Variants in FBXW8 observed in about 807,000 individuals in gnomAD.
FBXW8 encodes the protein F-box/WD repeat-containing protein 8.
In FBXW8, 57 loss-of-function variants were observed where a neutral mutation model predicts 65.3. The observed-to-expected ratio is 0.87, with a 90% CI of 0.71 to 1.09. FBXW8 has a LOEUF of 1.09. FBXW8 is among the 50% of genes least tolerant of loss of function. The pLI, the probability that FBXW8 is intolerant of heterozygous loss-of-function variation, is 0.00. For synonymous variants in FBXW8, 308 were observed against 330.2 expected (o/e 0.93, Z 0.73); for missense variants, 777 against 814.8 (o/e 0.95, Z 0.57).
chr12:116,942,333 A>G (rs541854999), intron 2 of FBXW8, among the ~76,000 whole-genome samples: 11 of 147,076 alleles, frequency 7.5e-5, no homozygotes, highest in South Asian at 4.3e-4. Flanking sequence ...TTTTTCCCCC[A>G]TAGAGTAGAT....
intron 7 of FBXW8, among the ~76,000 whole-genome samples, chr12:116,991,308 T>G (rs1953234042): frequency 6.6e-6 from 1 of 152,220 alleles, no homozygotes; most frequent in Admixed American, 6.5e-5. Context: ...GACAAGACTT[T>G]CCATCTGATT....
At position 116,936,672 on chromosome 12, in the gene FBXW8, T is replaced by C. The variant is rs1403609958; in HGVS notation, c.423+8545T>C. ...GAATGCAGCCCTGCCCACACCTTGC[T>C]TTTACACTTCTGGTCTCCGGAACTA... is the stretch of plus-strand genomic sequence containing the variant. On this transcript the variant is annotated intron_variant, in intron 2 of 10. Coordinates refer to ENST00000652555, the MANE Select transcript of FBXW8 (RefSeq NM_153348.3). This position sits in a 1 kb window ranked among gnomAD's most constrained non-coding sequence, Gnocchi z 4.6. Among the ~76,000 whole-genome samples, 5 of 152,186 alleles carry C rather than the reference T, an allele frequency of 3.3e-5. No individual in the cohort carries two copies. Among genetic ancestry groups the C allele is most frequent in the African/African-American group, 1.2e-4 (5 of 41,450 alleles).
chr12:117,013,756 A>ATTTT (rs1323524800), intron 8 of FBXW8, among the ~76,000 whole-genome samples: 1 of 151,820 alleles, frequency 6.6e-6, no homozygotes, highest in African/African-American at 2.4e-5. Context: ...TTATTTATTT[A>ATTTT]TTTTTTATTA....
At position 116,964,700 on chromosome 12, in the gene FBXW8, T is replaced by A; in HGVS notation, c.681T>A (p.Tyr227Ter). The A allele has an allele frequency of 6.2e-7, 1 of 1,613,696 alleles. No individual in the cohort carries two copies. The highest frequency in any genetic ancestry group is 8.5e-7 in the Non-Finnish European group (1 of 1,179,972). ...CAAGTGTGTCGTTCTCTTCCAGATATACATCAGGGGATGTGAGAGTGTGGG... is the reference window on the plus strand; with the variant it reads ...CAAGTGTGTCGTTCTCTTCCAGATAAACATCAGGGGATGTGAGAGTGTGGG... The part of the protein sequence containing the change: ...HSHDGVVIAG[Y>*]TSGDVRVWDT... Residue 227 changes from tyrosine to a stop codon, truncating the protein, a stop_gained, in exon 5 of 11, where the codon TAT (tyrosine) becomes TAA (stop). Coordinates refer to ENST00000652555, the MANE Select transcript of FBXW8 (RefSeq NM_153348.3). LOFTEE classifies it high-confidence loss of function.
chr12:116,946,890 G>C (rs1456366132), intron 3 of FBXW8, among the ~76,000 whole-genome samples: 1 of 152,140 alleles, frequency 6.6e-6, no homozygotes, highest in Admixed American at 6.5e-5. Flanking sequence ...AGGAAAGCTT[G>C]AGAGCTGAAT....
rs200165772 is a variant in FBXW8, at chr12:116,918,002, A to C, written c.318+6647A>C. On this transcript the variant is annotated intron_variant, in intron 1 of 10. Transcript: ENST00000652555. ...GCAAGACTCCACCTCAAAAAAAAAAAAACAAAAAAAAAACAACGCAGGACT... is the reference window on the plus strand; with the variant it reads ...GCAAGACTCCACCTCAAAAAAAAAACAACAAAAAAAAAACAACGCAGGACT... Among the ~76,000 whole-genome samples the C allele has an allele frequency of 1.9e-4, 28 of 151,170 alleles. No individual in the cohort carries two copies. The East Asian group carries it at 4.7e-3, about 25-fold the overall frequency.
intron 1 of FBXW8, among the ~76,000 whole-genome samples, chr12:116,921,254 T>C (rs2137295578): frequency 6.6e-6 from 1 of 152,350 alleles, no homozygotes; most frequent in African/African-American, 2.4e-5. Flanking sequence ...GATTCTATAG[T>C]ATTATAGTTC....
chr12:116,964,002 T>C (rs1020700633), intron 4 of FBXW8, among the ~76,000 whole-genome samples: 2 of 152,186 alleles, frequency 1.3e-5, no homozygotes, highest in African/African-American at 4.8e-5. Context: ...CAAGTCTGAG[T>C]AGGTTCGGCC....
At chr12:117,015,823 C>T (rs950818232) in intron 8 of FBXW8, among the ~76,000 whole-genome samples, 1 of 152,224 alleles carries the variant, frequency 6.6e-6, no homozygotes, top group African/African-American at 2.4e-5. Flanking sequence ...ACCCCAAATC[C>T]ATTAGCAGTC....
At chr12:116,930,988 TG>T (rs1487323274) in intron 2 of FBXW8, among the ~76,000 whole-genome samples, 2 of 152,288 alleles carry the variant, frequency 1.3e-5, no homozygotes, top group Non-Finnish European at 2.9e-5. Context: ...TTAAATTTTT[TG>T]TAAGGACAGG....
intron 8 of FBXW8, among the ~76,000 whole-genome samples, chr12:117,023,517 G>GTAGTT (rs1299306673): frequency 6.6e-6 from 1 of 152,084 alleles, no homozygotes; most frequent in African/African-American, 2.4e-5. Context: ...TACATAAAAA[G>GTAGTT]TAGTTTTTAA....
intron 1 of FBXW8, among the ~76,000 whole-genome samples, chr12:116,920,687 G>A (rs1880823540): frequency 6.6e-6 from 1 of 152,126 alleles, no homozygotes; most frequent in African/African-American, 2.4e-5. Context: ...ACGGGCAAGT[G>A]CAAAGGTTCT....
At chr12:116,985,720 C>T (rs191470711) in intron 6 of FBXW8, 82 of 232,408 alleles carry the variant, frequency 3.5e-4, no homozygotes, top group African/African-American at 1.6e-3. Context: ...CAGACTAACA[C>T]GGTGGAATCT....
intron 7 of FBXW8, 107 bp from the exon 8 acceptor site, chr12:117,010,216 G>A (rs1229451606): frequency 1.3e-6 from 2 of 1,523,026 alleles, no homozygotes; most frequent in East Asian, 2.3e-5. Context: ...CATCTTCACG[G>A]GAGCTCAGTG....
Position 116,928,801 on chromosome 12 carries a change from G to C in FBXW8, c.423+674G>C, listed in dbSNP as rs1359529222. On this transcript the variant is annotated intron_variant, in intron 2 of 10. Coordinates refer to ENST00000652555, the MANE Select transcript of FBXW8 (RefSeq NM_153348.3). Reference sequence around the variant, plus strand: ...TTCAGATTCAGGAAGTCTGCGGTGGGGCCTGACAGTCAACTTTCTTTTTTT... The same window carrying C: ...TTCAGATTCAGGAAGTCTGCGGTGGCGCCTGACAGTCAACTTTCTTTTTTT... Among the ~76,000 whole-genome samples the C allele has an allele frequency of 5.9e-5, 9 of 152,156 alleles. No individual in the cohort carries two copies. In the South Asian group the frequency reaches 1.2e-3, roughly 21 times the overall value.
rs770664743 is a variant in FBXW8 at position 116,911,051 on chromosome 12, G to A, written c.14G>A (p.Ser5Asn). 32 of 1,452,682 alleles carry A rather than the reference G, an allele frequency of 2.2e-5. No homozygotes were observed. The highest frequency in any genetic ancestry group is 2.7e-5 in the South Asian group (2 of 73,542). The allele number at this position is 1,452,682 out of a possible 1,614,324, so 90.0% of individuals were successfully genotyped here. A position where few individuals can be genotyped will look rare whatever the true frequency, so the allele number is the denominator to read the frequency against. The stretch of plus-strand genomic sequence containing the variant: ...GGAGCGGCGAATATGGACGACTACA[G>A]CCTGGATGAGTTCCGTCGGCGCTGG... The part of the protein sequence containing the change: MDDY[S>N]LDEFRRRWQE... Residue 5 changes from serine (S) to asparagine (N), a missense_variant, in exon 1 of 11, where the codon AGC becomes AAC. Transcript: ENST00000652555.
At chr12:116,970,713 C>G (rs1037008961) in intron 5 of FBXW8, among the ~76,000 whole-genome samples, 10 of 152,204 alleles carry the variant, frequency 6.6e-5, no homozygotes, top group Non-Finnish European at 1.5e-4. Flanking sequence ...ACAACTACCC[C>G]CCTGCCCCCA....
At position 117,005,509 on chromosome 12, in the gene FBXW8, C is replaced by T. The variant is rs368744487; in HGVS notation, c.1240-4814C>T. 2.6e-5 allele frequency among the ~76,000 whole-genome samples: 4 copies of T among 152,322 alleles called. No individual in the cohort carries two copies. In the South Asian group the frequency reaches 6.2e-4, roughly 24 times the overall value. On this transcript the variant is annotated intron_variant, in intron 7 of 10. Transcript: ENST00000652555. ...GGTGTGGTGCTTGGTAATAGTGCTG[C>T]AGAGCCTCCCCTGACCTGCTGGAGT...
At chr12:116,946,686 GC>G (rs937557975) in intron 3 of FBXW8, among the ~76,000 whole-genome samples, 6 of 152,040 alleles carry the variant, frequency 3.9e-5, no homozygotes, top group Admixed American at 2.0e-4. Flanking sequence ...GGTCACGCTG[GC>G]CCCACAGTGC....
Sources: allele counts gnomAD v4.1 joint callset (sites outside exome capture counted in the v4.1 genomes callset), GRCh38; gene constraint gnomAD v4.1.1; non-coding constraint Gnocchi (gnomAD v3.1); transcripts MANE v1.5; gene names NCBI Gene and HGNC (gene_info 2026-07-23, HGNC 2026-07-21).